The following SLC7A2 variants were observed in gnomAD, a reference collection of about 807,000 sequenced individuals.
SLC7A2 encodes solute carrier family 7 member 2, also known as cationic amino acid transporter 2.
A neutral mutation model predicts 58.9 loss-of-function variants in SLC7A2; 48 were observed. That is an observed-to-expected ratio of 0.82 (90% confidence interval 0.65 to 1.04). SLC7A2 has a LOEUF of 1.04. SLC7A2 is among the 50% of genes least tolerant of loss of function. The probability of loss-of-function intolerance (pLI) is 0.00; values close to 1 mark genes in which losing one functional copy is unlikely to be tolerated. For missense variants in SLC7A2, 1,029 were observed against 818.8 expected, an observed-to-expected ratio of 1.26 and a Z score of -3.13; for synonymous variants, 363 against 314.5, an observed-to-expected ratio of 1.15 and a Z score of -1.63.
chr8:17,519,385 C>A (rs1800926667), intron 2 of SLC7A2, among the ~76,000 whole-genome samples: 1 of 152,176 alleles, frequency 6.6e-6, no homozygotes, highest in Admixed American at 6.5e-5. Flanking sequence ...ATTCCAGGAA[C>A]TTATCAGAAC....
intron 2 of SLC7A2, among the ~76,000 whole-genome samples, chr8:17,504,581 A>C (rs1044334820): frequency 1.3e-5 from 2 of 152,192 alleles, no homozygotes; most frequent in African/African-American, 4.8e-5. Flanking sequence ...TGCATTCCTT[A>C]GAGAACCCAT....
At chr8:17,498,343 A>T (rs531604301) in intron 1 of SLC7A2, among the ~76,000 whole-genome samples, 111 of 152,318 alleles carry the variant, frequency 7.3e-4, no homozygotes, top group Non-Finnish European at 1.3e-3. Flanking sequence ...TTCTTGCCTG[A>T]GCTAGTCTTT....
chr8:17,545,403 C>CTT (rs386412194), intron 4 of SLC7A2, among the ~76,000 whole-genome samples: 1,401 of 64,306 alleles, frequency 0.022, 42 homozygotes, highest in African/African-American at 0.039. Context: ...TGAACATTTT[C>CTT]TTTTTTTTTT....
At position 17,543,679 on chromosome 8, in the gene SLC7A2, A is replaced by C; in HGVS notation, c.340A>C (p.Ile114Leu). Residue 114 changes from isoleucine (I) to leucine (L), a missense_variant, in exon 3 of 13, where the codon ATC (isoleucine) becomes CTC (leucine). Transcript: ENST00000494857. The stretch of plus-strand genomic sequence containing the variant: ...GACTGTCGGAGAGCTGTGGGCCTTC[A>C]TCACTGGCTGGAATCTCATTTTATC... ...YVTVGELWAF[I>L]TGWNLILSYV... is the part of the protein sequence containing the mutation. 2.0e-6 allele frequency: 3 copies of C among 1,521,992 alleles called. No homozygotes were observed. The highest frequency in any genetic ancestry group is 2.6e-6 in the Non-Finnish European group (3 of 1,136,156). 94.3% of individuals were successfully genotyped at this position (1,521,992 alleles called of 1,614,324 possible).
chr8:17,549,615 T>C (rs185141275), intron 5 of SLC7A2, among the ~76,000 whole-genome samples: 1 of 152,360 alleles, frequency 6.6e-6, no homozygotes, highest in Non-Finnish European at 1.5e-5. Flanking sequence ...ATTCTCTTAA[T>C]GCTTTAGTAA....
intron 5 of SLC7A2, among the ~76,000 whole-genome samples, chr8:17,549,594 A>G (rs1414783911): frequency 6.6e-6 from 1 of 152,152 alleles, no homozygotes; most frequent in African/African-American, 2.4e-5. Context: ...ACCACCATTC[A>G]GTTTTATTGT....
intron 2 of SLC7A2, among the ~76,000 whole-genome samples, chr8:17,541,600 A>C (rs545155116): frequency 1.3e-5 from 2 of 152,244 alleles, no homozygotes; most frequent in East Asian, 3.9e-4. Context: ...GCTTGTATTT[A>C]TATTTATATT....
chr8:17,511,718 A>T (rs1037423798), intron 2 of SLC7A2, among the ~76,000 whole-genome samples: 5 of 152,224 alleles, frequency 3.3e-5, no homozygotes, highest in Non-Finnish European at 7.3e-5. Context: ...TAATCATTTT[A>T]TAATTACTGT....
At chr8:17,557,740 A>G (rs1458124975) in intron 8 of SLC7A2, among the ~76,000 whole-genome samples, 1 of 152,132 alleles carries the variant, frequency 6.6e-6, no homozygotes, top group South Asian at 2.1e-4. Flanking sequence ...AGATATGACA[A>G]TCGCTTGGAC....
intron 2 of SLC7A2, among the ~76,000 whole-genome samples, chr8:17,514,333 G>C (rs1191956467): frequency 9.2e-6 from 1 of 108,714 alleles, no homozygotes; most frequent in African/African-American, 2.7e-5. Flanking sequence ...AACATTTATA[G>C]AGAACCCTGC....
rs1360234266 is a variant in SLC7A2 at position 17,561,942 on chromosome 8, A to T, written c.1505-2A>T. The T allele has an allele frequency of 6.2e-7, 1 of 1,613,926 alleles. No individual in the cohort carries two copies. Among genetic ancestry groups the T allele is most frequent in the African/African-American group, 1.3e-5 (1 of 74,936 alleles). On this transcript the variant is annotated splice_acceptor_variant, in intron 10 of 12. Transcript: ENST00000494857. LOFTEE classifies it high-confidence loss of function. ...CTCTGTTATCTACACATCCCCCTGC[A>T]GCTTTCCTCGTGTTGGGCCTGAGTG...
intron 2 of SLC7A2, among the ~76,000 whole-genome samples, chr8:17,537,249 G>T (rs1563458601): frequency 6.6e-6 from 1 of 152,012 alleles, no homozygotes; most frequent in Non-Finnish European, 1.5e-5. Flanking sequence ...TAGAGATGGG[G>T]TTTCACCACG....
chr8:17,500,399 G>A (rs1240804052), intron 1 of SLC7A2: 3 of 152,064 alleles, frequency 2.0e-5, no homozygotes, highest in Non-Finnish European at 4.4e-5. Flanking sequence ...GGTGTTTGTG[G>A]TTATGGAAAT....
intron 2 of SLC7A2, among the ~76,000 whole-genome samples, chr8:17,527,486 A>G (rs1156850883): frequency 1.3e-5 from 2 of 152,238 alleles, no homozygotes; most frequent in Admixed American, 6.5e-5. Flanking sequence ...CAAAGGTACC[A>G]CAAACTGGGT....
rs756575258 is a variant in SLC7A2 at position 17,543,453 on chromosome 8, C to T, written c.114C>T (p.Asp38=). 15 of 1,614,128 alleles carry T rather than the reference C, an allele frequency of 9.3e-6. No homozygotes were observed. In the South Asian group the frequency reaches 1.6e-4, roughly 18 times the overall value. ...TATGCCGCTGCTTATCCACCATGGA[C>T]CTCATTGCCCTGGGCGTTGGAAGCA... ...TKLCRCLSTM[D]LIALGVGSTL... Residue 38 remains aspartate, a synonymous_variant, in exon 3 of 13, where the codon GAC becomes GAT. Coordinates refer to ENST00000494857, the MANE Select transcript of SLC7A2 (RefSeq NM_001370338.1).
At chr8:17,557,583 C>T (rs1188602239) in intron 8 of SLC7A2, among the ~76,000 whole-genome samples, 1 of 152,220 alleles carries the variant, frequency 6.6e-6, no homozygotes, top group Non-Finnish European at 1.5e-5. Flanking sequence ...GTAATCCCAG[C>T]ATCTTGGGAG....
At chr8:17,533,120 C>T (rs1423068306) in intron 2 of SLC7A2, among the ~76,000 whole-genome samples, 4 of 152,118 alleles carry the variant, frequency 2.6e-5, no homozygotes, top group African/African-American at 7.2e-5. Context: ...CTTTTAATTG[C>T]TTTCTCTGAG....
rs762304387 is a variant in SLC7A2, at chr8:17,558,290, C to G, written c.1196-5C>G. The G allele has an allele frequency of 1.2e-6, 2 of 1,603,188 alleles. No individual in the cohort carries two copies. The highest frequency in any genetic ancestry group is 1.7e-6 in the Non-Finnish European group (2 of 1,170,546). On this transcript the variant is annotated splice_region_variant and splice_polypyrimidine_tract_variant and intron_variant, in intron 8 of 12. Coordinates refer to ENST00000494857, the MANE Select transcript of SLC7A2 (RefSeq NM_001370338.1). Reference sequence around the variant, plus strand: ...TACTTCACCGTTCTTTTCTTCTCCCCCTAGCTTTGATGGCCTTTCTGTTTG... The same window carrying G: ...TACTTCACCGTTCTTTTCTTCTCCCGCTAGCTTTGATGGCCTTTCTGTTTG...
At chr8:17,533,715 C>T (rs996404774) in intron 2 of SLC7A2, among the ~76,000 whole-genome samples, 2 of 152,216 alleles carry the variant, frequency 1.3e-5, no homozygotes, top group African/African-American at 2.4e-5. Context: ...ATCTGAAAGT[C>T]AGTTACTAAT....
Sources: allele counts gnomAD v4.1 joint callset (sites outside exome capture counted in the v4.1 genomes callset), GRCh38; gene constraint gnomAD v4.1.1; transcripts MANE v1.5; gene names NCBI Gene and HGNC (gene_info 2026-07-23, HGNC 2026-07-21).